The following LRP6 variants were observed in gnomAD, a reference collection of about 807,000 sequenced individuals.
LRP6 encodes the protein LDL receptor related protein 6.
In LRP6, 43 loss-of-function variants were observed where a neutral mutation model predicts 184.1. That is an observed-to-expected ratio of 0.23 (90% CI 0.18 to 0.30). The LOEUF is 0.30. LRP6 is among the 10% of genes least tolerant of loss of function. LRP6 has a pLI of 1.00. For synonymous variants in LRP6, 719 were observed against 684.9 expected (o/e 1.05, Z -0.78); for missense variants, 1,571 against 2,005.3 (o/e 0.78, Z 4.14).
At position 12,165,168 on chromosome 12, in the gene LRP6, ACT is replaced by A; in HGVS notation, c.1671_1672del (p.Arg557SerfsTer3). On this transcript the variant is annotated frameshift_variant, in exon 8 of 23. Coordinates refer to ENST00000261349, the MANE Select transcript of LRP6 (RefSeq NM_002336.3). LOFTEE classifies it high-confidence loss of function. ...TTCCCTCTCTGCACTTCGTTTATGA[ACT>A]CTTTCAATGCTACGCCTCTGCCAGT... The A allele has an allele frequency of 6.2e-7, 1 of 1,613,796 alleles. No homozygotes were observed. The highest frequency in any genetic ancestry group is 8.5e-7 in the Non-Finnish European group (1 of 1,179,934).
In LRP6 at chr12:12,165,065, T is replaced by C. The variant is rs777925111; in HGVS notation, c.1762+14A>G. The stretch of plus-strand genomic sequence containing the variant: ...CCTGGTTCCCATTTCTAAGAAAGCT[T>C]TGGAGTTACTCACCAATCACTCGAT... On this transcript the variant is annotated intron_variant, in intron 8 of 22. Coordinates refer to ENST00000261349, the MANE Select transcript of LRP6 (RefSeq NM_002336.3). 6.3e-7 allele frequency: 1 copy of C among 1,596,874 alleles called. No individual in the cohort carries two copies. Among genetic ancestry groups the C allele is most frequent in the Non-Finnish European group, 8.6e-7 (1 of 1,164,358 alleles).
chr12:12,171,219 A>G (rs1198457679), intron 7 of LRP6, among the ~76,000 whole-genome samples: 1 of 152,234 alleles, frequency 6.6e-6, no homozygotes, highest in African/African-American at 2.4e-5. Context: ...TGCTGTTATT[A>G]ATAAATGCTA....
Position 12,158,216 on chromosome 12 carries a change from T to G in LRP6, c.2791+613A>C, listed in dbSNP as rs553220516. 1.1e-4 allele frequency among the ~76,000 whole-genome samples: 17 copies of G among 152,356 alleles called. No individual in the cohort carries two copies. In the South Asian group the frequency reaches 2.7e-3, roughly 24 times the overall value. On this transcript the variant is annotated intron_variant, in intron 12 of 22. Coordinates refer to ENST00000261349, the MANE Select transcript of LRP6 (RefSeq NM_002336.3). ...AGGACAAGTAAGTTGTGTTTTGCGA[T>G]TCACTGTTTTACTGTTTGTAATGTT...
chr12:12,225,265 T>C (rs753454539), intron 2 of LRP6, among the ~76,000 whole-genome samples: 1 of 152,016 alleles, frequency 6.6e-6, no homozygotes, highest in Non-Finnish European at 1.5e-5. Flanking sequence ...TCTATCCTAA[T>C]AGTGAGTAAA....
intron 1 of LRP6, among the ~76,000 whole-genome samples, chr12:12,248,583 G>A (rs1179392003): frequency 2.1e-5 from 3 of 139,630 alleles, no homozygotes; most frequent in East Asian, 4.8e-4. Context: ...CCGGGTTCAC[G>A]CCATTCTCCT....
At chr12:12,209,493 G>A (rs1170486075) in intron 2 of LRP6, among the ~76,000 whole-genome samples, 2 of 152,130 alleles carry the variant, frequency 1.3e-5, no homozygotes, top group African/African-American at 4.8e-5. Flanking sequence ...GCATTTGTCA[G>A]ATGAGAACTT....
intron 7 of LRP6, among the ~76,000 whole-genome samples, chr12:12,171,293 G>A (rs558858648): frequency 1.3e-5 from 2 of 152,138 alleles, no homozygotes; most frequent in Admixed American, 6.5e-5. Flanking sequence ...AAGGAGGGCG[G>A]ATCACCAGGT....
At chr12:12,214,041 T>C (rs1453935943) in intron 2 of LRP6, among the ~76,000 whole-genome samples, 1 of 152,132 alleles carries the variant, frequency 6.6e-6, no homozygotes, top group Non-Finnish European at 1.5e-5. Context: ...ATTTATCATC[T>C]TCTCTTAGAC....
chr12:12,124,241 C>T (rs1204385592), intron 22 of LRP6, among the ~76,000 whole-genome samples: 3 of 152,104 alleles, frequency 2.0e-5, no homozygotes, highest in Non-Finnish European at 4.4e-5. Flanking sequence ...GGCGTGGTAG[C>T]GCAGGTCTGT....
intron 1 of LRP6, among the ~76,000 whole-genome samples, chr12:12,259,536 G>A (rs908897045): frequency 6.6e-6 from 1 of 152,004 alleles, no homozygotes; most frequent in East Asian, 1.9e-4. Flanking sequence ...AATTTTCACC[G>A]AAGAGTCCAA....
At chr12:12,249,741 T>A (rs974272318) in intron 1 of LRP6, among the ~76,000 whole-genome samples, 8 of 147,096 alleles carry the variant, frequency 5.4e-5, no homozygotes, top group African/African-American at 2.1e-4. Context: ...GGAAATAAAT[T>A]AATTAAAGTT....
intron 2 of LRP6, among the ~76,000 whole-genome samples, chr12:12,227,867 C>A (rs1267307817): frequency 6.6e-6 from 1 of 152,154 alleles, no homozygotes; most frequent in Admixed American, 6.5e-5. Context: ...TCAGCCAATT[C>A]TGTTGTAAGT....
rs1949523386 is a variant in LRP6 at position 12,116,678 on chromosome 12, T to G, written c.*4448A>C. ...TGATGGTGGAGAATCTAACAGTTCG[T>G]TAGGTCTGTACTCTGCTTCTAAATA... On this transcript the variant is annotated 3_prime_UTR_variant, in exon 23 of 23. Coordinates refer to ENST00000261349, the MANE Select transcript of LRP6 (RefSeq NM_002336.3). 6.6e-6 allele frequency: 1 copy of G among 152,234 alleles called. No individual in the cohort carries two copies. The highest frequency in any genetic ancestry group is 1.5e-5 in the Non-Finnish European group (1 of 68,042). The allele number at this position is 152,234 out of a possible 1,614,324, so 9.4% of individuals were successfully genotyped here.
intron 12 of LRP6, chr12:12,155,781 A>T: frequency 1.2e-6 from 1 of 867,356 alleles, no homozygotes; most frequent in South Asian, 1.3e-5. Context: ...AATAGGTGTT[A>T]AAAAAATAAA....
Position 12,220,453 on chromosome 12 carries a change from A to G in LRP6, c.450-17053T>C, listed in dbSNP as rs566535058. Among the ~76,000 whole-genome samples the G allele has an allele frequency of 1.7e-4, 26 of 152,312 alleles. 1 individual carries two copies. Among genetic ancestry groups the G allele is most frequent in the African/African-American group, 6.3e-4 (26 of 41,564 alleles). On this transcript the variant is annotated intron_variant, in intron 2 of 22. Transcript: ENST00000261349. Reference sequence around the variant, plus strand: ...AGCTCTGCAGTATAGTACGTAGCACACTGTTCCTGCACAAGACTGGTTCTT... The same window carrying G: ...AGCTCTGCAGTATAGTACGTAGCACGCTGTTCCTGCACAAGACTGGTTCTT...
intron 7 of LRP6, among the ~76,000 whole-genome samples, chr12:12,168,855 G>T (rs1591908643): frequency 6.6e-6 from 1 of 152,036 alleles, no homozygotes; most frequent in East Asian, 1.9e-4. Flanking sequence ...TTAAAGAAAG[G>T]TTAACACAAT....
intron 3 of LRP6, among the ~76,000 whole-genome samples, chr12:12,196,183 G>T (rs1377471509): frequency 2.0e-5 from 3 of 150,590 alleles, no homozygotes; most frequent in Non-Finnish European, 4.4e-5. Flanking sequence ...GGTCTTTTAT[G>T]GTCCCATACA....
At chr12:12,249,606 A>G (rs555430730) in intron 1 of LRP6, among the ~76,000 whole-genome samples, 9 of 152,224 alleles carry the variant, frequency 5.9e-5, no homozygotes, top group African/African-American at 2.2e-4. Context: ...TTCAAAGGAA[A>G]TTTATCTTAA....
At chr12:12,247,455 C>T (rs1401222795) in intron 1 of LRP6, among the ~76,000 whole-genome samples, 2 of 152,166 alleles carry the variant, frequency 1.3e-5, no homozygotes, top group African/African-American at 4.8e-5. Flanking sequence ...TAAGGCCTCA[C>T]AAGCATTCTG....
Sources: gnomAD v4.1 joint callset for allele counts (sites outside exome capture counted in the v4.1 genomes callset) on GRCh38, gnomAD v4.1.1 for gene constraint, MANE v1.5 for transcripts, NCBI Gene and HGNC (gene_info 2026-07-23, HGNC 2026-07-21) for gene names.